GRIA4: variants seen among roughly 807,000 people sequenced by gnomAD.
GRIA4 encodes glutamate ionotropic receptor AMPA type subunit 4, also known as glutamate receptor 4.
GRIA4 carries 34 observed loss-of-function variants against 104.0 expected under a neutral mutation model. The observed-to-expected ratio is 0.33, with a 90% CI of 0.25 to 0.44. The LOEUF (loss-of-function observed/expected upper bound fraction) is 0.44. Ranked by LOEUF, GRIA4 falls within the 20% of genes least tolerant of loss-of-function variation. GRIA4 has a pLI of 1.00. For missense variants in GRIA4, 750 were observed against 1,096.5 expected (o/e 0.68, Z 4.46); for synonymous variants, 386 against 381.9 (o/e 1.01, Z -0.13).
chr11:105,878,968 T>A (rs1945943921), intron 5 of GRIA4, among the ~76,000 whole-genome samples: 1 of 152,202 alleles, frequency 6.6e-6, no homozygotes, highest in African/African-American at 2.4e-5. Context: ...TAGCTCAGTG[T>A]CTGCCCAAAT....
At chr11:105,714,210 A>C (rs1353461863) in intron 3 of GRIA4, among the ~76,000 whole-genome samples, 1 of 151,468 alleles carries the variant, frequency 6.6e-6, no homozygotes, top group Non-Finnish European at 1.5e-5. Flanking sequence ...TTTTAAACTA[A>C]AATATTATAA....
chr11:105,866,054 A>T (rs75880537), intron 5 of GRIA4, among the ~76,000 whole-genome samples: 2 of 152,326 alleles, frequency 1.3e-5, no homozygotes, highest in East Asian at 3.9e-4. Context: ...CAGTTACATT[A>T]TATCTCCCAA....
chr11:105,728,382 T>TA (rs1477248123), intron 3 of GRIA4, among the ~76,000 whole-genome samples: 2 of 151,956 alleles, frequency 1.3e-5, no homozygotes, highest in Non-Finnish European at 2.9e-5. Context: ...AACAAGTTCT[T>TA]AGATTCCCAC....
At chr11:105,746,048 TATA>T (rs1270446453) in intron 3 of GRIA4, among the ~76,000 whole-genome samples, 2 of 152,134 alleles carry the variant, frequency 1.3e-5, no homozygotes, top group South Asian at 2.1e-4. Context: ...TTGCTATAAT[TATA>T]ATATTTTCAT....
At chr11:105,917,804 T>C (rs886385120) in intron 10 of GRIA4, among the ~76,000 whole-genome samples, 4 of 140,242 alleles carry the variant, frequency 2.9e-5, no homozygotes, top group African/African-American at 1.1e-4. Context: ...CTTTTAATGG[T>C]TTGGTTTAAG....
intron 4 of GRIA4, among the ~76,000 whole-genome samples, chr11:105,809,239 A>G (rs964338879): frequency 6.6e-6 from 1 of 152,128 alleles, no homozygotes; most frequent in African/African-American, 2.4e-5. Context: ...TAGCTACATA[A>G]TAGTTTTACA....
intron 4 of GRIA4, among the ~76,000 whole-genome samples, chr11:105,791,145 T>C (rs1343236141): frequency 2.0e-5 from 3 of 152,068 alleles, no homozygotes; most frequent in Non-Finnish European, 2.9e-5. Flanking sequence ...TCCCCCTAAA[T>C]TGGCTCATTT....
chr11:105,872,663 T>C (rs1945660356), intron 5 of GRIA4, among the ~76,000 whole-genome samples: 1 of 152,130 alleles, frequency 6.6e-6, no homozygotes, highest in Non-Finnish European at 1.5e-5. Flanking sequence ...GTTTTCTTTA[T>C]AATTCAAGAA....
chr11:105,726,201 TG>T (rs1938195913), intron 3 of GRIA4, among the ~76,000 whole-genome samples: 2 of 151,902 alleles, frequency 1.3e-5, no homozygotes, highest in Admixed American at 6.6e-5. Context: ...TCGAGCTTGG[TG>T]GGGAGAGGGG....
intron 3 of GRIA4, among the ~76,000 whole-genome samples, chr11:105,732,464 G>A (rs367584852): frequency 7.2e-5 from 11 of 152,262 alleles, no homozygotes; most frequent in South Asian, 2.1e-4. Flanking sequence ...CCTACAAGCC[G>A]TCATGGTTTA....
chr11:105,814,217 G>A (rs966152036), intron 4 of GRIA4, among the ~76,000 whole-genome samples: 1 of 152,086 alleles, frequency 6.6e-6, no homozygotes, highest in African/African-American at 2.4e-5. Context: ...TAAAGGGATG[G>A]CATGATCTGA....
intron 13 of GRIA4, among the ~76,000 whole-genome samples, chr11:105,929,330 A>G (rs1023149822): frequency 1.3e-5 from 2 of 152,106 alleles, no homozygotes; most frequent in East Asian, 1.9e-4. Context: ...CAGTGCTTCA[A>G]AAAAATGCCA....
chr11:105,724,369 C>T (rs565412574), intron 3 of GRIA4, among the ~76,000 whole-genome samples: 1 of 139,398 alleles, frequency 7.2e-6, no homozygotes, highest in African/African-American at 2.7e-5. Context: ...ACACACACAC[C>T]ATTATATATA....
At chr11:105,627,168 T>C (rs1342670885) in intron 3 of GRIA4, among the ~76,000 whole-genome samples, 4 of 152,180 alleles carry the variant, frequency 2.6e-5, no homozygotes, top group Non-Finnish European at 4.4e-5. Context: ...CATGAGATTC[T>C]GCTATACTCT....
chr11:105,748,135 T>C (rs891513048), intron 3 of GRIA4, among the ~76,000 whole-genome samples: 1 of 152,232 alleles, frequency 6.6e-6, no homozygotes, highest in Non-Finnish European at 1.5e-5. Context: ...ACTTAATTTC[T>C]ACTTCATACA....
intron 3 of GRIA4, among the ~76,000 whole-genome samples, chr11:105,658,591 T>C (rs1942966): frequency 0.45 from 68,156 of 151,522 alleles, 15,460 homozygotes; most frequent in East Asian, 0.56. Flanking sequence ...AATATACTCA[T>C]AAAATACTCA....
At chr11:105,679,653 T>A (rs574257756) in intron 3 of GRIA4, among the ~76,000 whole-genome samples, 7 of 152,160 alleles carry the variant, frequency 4.6e-5, no homozygotes, top group Non-Finnish European at 1.0e-4. Context: ...GCATCTTATG[T>A]TATATGACAA....
chr11:105,948,692 G>A (rs922675163), intron 14 of GRIA4, among the ~76,000 whole-genome samples: 17 of 137,488 alleles, frequency 1.2e-4, no homozygotes, highest in African/African-American at 3.3e-4. Flanking sequence ...TGCAACCTCC[G>A]CCTCCCGGGT....
chr11:105,670,036 C>A (rs1321337189), intron 3 of GRIA4, among the ~76,000 whole-genome samples: 1 of 152,054 alleles, frequency 6.6e-6, no homozygotes, highest in Non-Finnish European at 1.5e-5. Flanking sequence ...ATCGCCTATT[C>A]TTCCCTTTAG....
Sources: allele counts gnomAD v4.1 joint callset (sites outside exome capture counted in the v4.1 genomes callset), GRCh38; gene constraint gnomAD v4.1.1; transcripts MANE v1.5; gene names NCBI Gene and HGNC (gene_info 2026-07-23, HGNC 2026-07-21).